The following FRAS1 variants were observed in gnomAD, a reference collection of about 807,000 sequenced individuals.
The protein encoded by FRAS1 is Fraser extracellular matrix complex subunit 1, also known as extracellular matrix organizing protein FRAS1.
Under a neutral mutation model 435.2 loss-of-function variants are expected in FRAS1, and 290 were observed. The observed-to-expected ratio is 0.67, with a 90% CI of 0.61 to 0.73. The LOEUF is 0.73. Ranked by LOEUF, FRAS1 falls within the 30% of genes least tolerant of loss-of-function variation. FRAS1 has a pLI of 0.00. For missense variants in FRAS1, 4,860 were observed against 5,001.5 expected, an observed-to-expected ratio of 0.97 and a Z score of 0.85; for synonymous variants, 1,800 against 1,851.0, an observed-to-expected ratio of 0.97 and a Z score of 0.71.
intron 33 of FRAS1, among the ~76,000 whole-genome samples, chr4:78,420,100 A>G (rs1426399264): frequency 1.3e-5 from 2 of 152,138 alleles, no homozygotes. Flanking sequence ...TCACAGAAAG[A>G]AGATCAGGTT....
intron 40 of FRAS1, among the ~76,000 whole-genome samples, chr4:78,440,255 A>G (rs1734606670): frequency 6.6e-6 from 1 of 151,584 alleles, no homozygotes; most frequent in Non-Finnish European, 1.5e-5. Context: ...GATGGTCTCG[A>G]TCTCCTGACC....
At position 78,541,124 on chromosome 4, in the gene FRAS1, A is replaced by G. The variant is rs61734892; in HGVS notation, c.12039A>G (p.Ter4013=). ...ATTTACAAGATGGAACAGAAGTTTA[A>G]TGGAGGAGACCTATGTGTATTTTTT... is the stretch of plus-strand genomic sequence containing the variant. ...HNNLQDGTEV[*] is the part of the protein sequence containing the mutation. Residue 4013 remains the stop codon, a stop_retained_variant, in exon 74 of 74, where the codon TAA becomes TAG. Transcript: ENST00000512123. The G allele has an allele frequency of 5.5e-4, 745 of 1,365,958 alleles. 3 individuals carry two copies. The African/African-American group carries it at 0.01, about 19-fold the overall frequency. The allele number at this position is 1,365,958 out of a possible 1,614,324, so 84.6% of individuals were successfully genotyped here. A position where few individuals can be genotyped will look rare whatever the true frequency, so the allele number is the denominator to read the frequency against.
intron 14 of FRAS1, among the ~76,000 whole-genome samples, chr4:78,290,445 C>T (rs924220548): frequency 7.7e-5 from 11 of 143,022 alleles, no homozygotes; most frequent in Admixed American, 4.3e-4. Context: ...TTCTTTTTTT[C>T]TTTCTTTCTT....
At chr4:78,195,451 C>G (rs1340199749) in intron 2 of FRAS1, among the ~76,000 whole-genome samples, 2 of 152,260 alleles carry the variant, frequency 1.3e-5, no homozygotes, top group African/African-American at 4.8e-5. Flanking sequence ...CTTTGTTTAC[C>G]TACTCAAGCC....
chr4:78,109,463 G>T (rs1009071073), intron 2 of FRAS1, among the ~76,000 whole-genome samples: 2 of 151,842 alleles, frequency 1.3e-5, no homozygotes, highest in Non-Finnish European at 2.9e-5. Flanking sequence ...ATCAATAAAC[G>T]TAATCTAGCA....
At chr4:78,406,195 AT>A (rs1560709108) in intron 30 of FRAS1, among the ~76,000 whole-genome samples, 1 of 152,260 alleles carries the variant, frequency 6.6e-6, no homozygotes, top group Non-Finnish European at 1.5e-5. Flanking sequence ...ATCCCAGCTC[AT>A]CAACTTAACA....
chr4:78,192,462 T>A (rs1014920283), intron 2 of FRAS1, among the ~76,000 whole-genome samples: 3 of 152,214 alleles, frequency 2.0e-5, no homozygotes, highest in Admixed American at 1.3e-4. Flanking sequence ...CTGTTATTGG[T>A]CTATTCAGAG....
At position 78,278,647 on chromosome 4, in the gene FRAS1, T is replaced by G. The variant is rs760724335; in HGVS notation, c.982-8T>G. On this transcript the variant is annotated splice_region_variant and splice_polypyrimidine_tract_variant and intron_variant, in intron 9 of 73. Coordinates refer to ENST00000512123, the MANE Select transcript of FRAS1 (RefSeq NM_025074.7). The stretch of plus-strand genomic sequence containing the variant: ...TGATATGTGCCACTGCAACCCTTAT[T>G]TCTACAGGATGAAGAATTAATTCAC... 168 of 1,536,834 alleles carry G rather than the reference T, an allele frequency of 1.1e-4. No homozygotes were observed. The highest frequency in any genetic ancestry group is 5.4e-6 in the Non-Finnish European group (6 of 1,110,128).
intron 66 of FRAS1, 26 bp downstream of exon 66, chr4:78,516,039 G>A: frequency 1.3e-6 from 2 of 1,577,330 alleles, no homozygotes; most frequent in Non-Finnish European, 1.7e-6. Flanking sequence ...CTTGTCTGAG[G>A]ACTCTGCATA....
intron 70 of FRAS1, among the ~76,000 whole-genome samples, chr4:78,533,599 A>G (rs1278685828): frequency 2.0e-5 from 3 of 152,238 alleles, no homozygotes; most frequent in Admixed American, 6.5e-5. Context: ...TGCATGATAG[A>G]TGTAGAATAG....
Position 78,450,321 on chromosome 4 carries a change from C to T in FRAS1, c.6445C>T (p.Gln2149Ter), listed in dbSNP as rs771104610. The change falls in exon 45 of 74, where the codon CAG becomes TAG. Residue 2149 changes from glutamine (Q) to a stop codon, truncating the protein, a stop_gained. Transcript: ENST00000512123. LOFTEE classifies it high-confidence loss of function. The stretch of plus-strand genomic sequence containing the variant: ...TAAAGGCCCCATCCGAAGTTTCACC[C>T]AGGCAGACATTAGCCAAGGTCAGCC... ...SIKGPIRSFTQADISQGHVEY... is the reference protein window; with the variant it reads ...SIKGPIRSFT The T allele has an allele frequency of 1.1e-5, 17 of 1,613,714 alleles. No individual in the cohort carries two copies. Among genetic ancestry groups the T allele is most frequent in the Non-Finnish European group, 1.4e-5 (16 of 1,179,796 alleles).
intron 15 of FRAS1, among the ~76,000 whole-genome samples, 189 bp downstream of exon 15, chr4:78,308,398 C>T (rs1489213344): frequency 6.6e-6 from 1 of 152,166 alleles, no homozygotes; most frequent in East Asian, 1.9e-4. Flanking sequence ...CTTAATTGCC[C>T]CACCAGTCTG....
At chr4:78,208,388 TTAACAC>T (rs1723353704) in intron 2 of FRAS1, among the ~76,000 whole-genome samples, 1 of 152,142 alleles carries the variant, frequency 6.6e-6, no homozygotes, top group African/African-American at 2.4e-5. Context: ...GCAAGGTGCT[TTAACAC>T]CCCCGCAAAA....
chr4:78,403,335 G>A (rs1436080666), intron 30 of FRAS1, among the ~76,000 whole-genome samples: 1 of 152,074 alleles, frequency 6.6e-6, no homozygotes, highest in Non-Finnish European at 1.5e-5. Context: ...ATGCTTTATT[G>A]TGATGCTTTC....
At chr4:78,222,588 T>G (rs2110097987) in intron 2 of FRAS1, among the ~76,000 whole-genome samples, 1 of 152,270 alleles carries the variant, frequency 6.6e-6, no homozygotes, top group South Asian at 2.1e-4. Context: ...GCAATTTAAT[T>G]TTCTTGCTAT....
At chr4:78,427,040 C>T (rs778779223) in intron 35 of FRAS1, among the ~76,000 whole-genome samples, 2 of 152,098 alleles carry the variant, frequency 1.3e-5, no homozygotes, top group Non-Finnish European at 2.9e-5. Flanking sequence ...TTTGAATGTC[C>T]CTTCCCAAAC....
At chr4:78,446,914 T>C (rs1233747471) in intron 43 of FRAS1, 34 bp downstream of exon 43, 4 of 1,577,392 alleles carry the variant, frequency 2.5e-6, no homozygotes, top group South Asian at 2.3e-5. Context: ...AGCTTCTTAA[T>C]TGAGATGCCC....
At chr4:78,401,569 T>C (rs980895886) in intron 30 of FRAS1, among the ~76,000 whole-genome samples, 1 of 152,152 alleles carries the variant, frequency 6.6e-6, no homozygotes, top group Non-Finnish European at 1.5e-5. Context: ...TGGGATTTAA[T>C]GTCCATGCGG....
chr4:78,399,098 A>G (rs548941809), intron 29 of FRAS1, among the ~76,000 whole-genome samples: 85 of 152,232 alleles, frequency 5.6e-4, no homozygotes, highest in African/African-American at 2.0e-3. Flanking sequence ...CACGTTTTTG[A>G]TGTTTTATAA....
Sources: allele counts gnomAD v4.1 joint callset (sites outside exome capture counted in the v4.1 genomes callset), GRCh38; gene constraint gnomAD v4.1.1; transcripts MANE v1.5; gene names NCBI Gene and HGNC (gene_info 2026-07-23, HGNC 2026-07-21).